PTPRD: variants seen among roughly 807,000 people sequenced by gnomAD.
PTPRD encodes receptor-type tyrosine-protein phosphatase delta.
A neutral mutation model predicts 214.5 loss-of-function variants in PTPRD; 34 were observed. That is an observed-to-expected ratio of 0.16 (90% CI 0.12 to 0.21). The LOEUF (loss-of-function observed/expected upper bound fraction) is 0.21, where lower values mean the gene tolerates loss of function less well. PTPRD is among the 10% of genes least tolerant of loss of function. The probability of loss-of-function intolerance (pLI) is 1.00; values close to 1 mark genes in which losing one functional copy is unlikely to be tolerated. For missense variants in PTPRD, 2,545 were observed against 2,398.7 expected (o/e 1.06, Z -1.27); for synonymous variants, 1,128 against 845.7 (o/e 1.33, Z -5.79).
intron 3 of PTPRD, among the ~76,000 whole-genome samples, chr9:10,164,848 G>A (rs766013812): frequency 6.7e-6 from 1 of 150,350 alleles, no homozygotes; most frequent in African/African-American, 2.4e-5. Context: ...AAAATCTAAT[G>A]AGATATGCTG....
chr9:9,358,860 C>G (rs553219790), intron 9 of PTPRD, among the ~76,000 whole-genome samples: 5 of 151,264 alleles, frequency 3.3e-5, no homozygotes, highest in African/African-American at 1.2e-4. Flanking sequence ...CAAGGCGAGA[C>G]GAACCAACTC....
In PTPRD at chr9:9,766,047, T is replaced by C. The variant is rs564552378; in HGVS notation, c.-326+763A>G. On this transcript the variant is annotated intron_variant, in intron 6 of 45. Coordinates refer to ENST00000381196, the MANE Select transcript of PTPRD (RefSeq NM_002839.4). ...GCCGTGATAATTAATAGCTCCTGTATGTGATATTTATTTTGTCAGTTGTCA... is the reference window on the plus strand; with the variant it reads ...GCCGTGATAATTAATAGCTCCTGTACGTGATATTTATTTTGTCAGTTGTCA... 3.9e-5 allele frequency among the ~76,000 whole-genome samples: 6 copies of C among 152,368 alleles called. No homozygotes were observed. In the South Asian group the frequency reaches 1.2e-3, roughly 32 times the overall value.
At chr9:8,993,340 T>C (rs1001404639) in intron 11 of PTPRD, among the ~76,000 whole-genome samples, 1 of 152,128 alleles carries the variant, frequency 6.6e-6, no homozygotes, top group African/African-American at 2.4e-5. Flanking sequence ...TTTAAAGGAT[T>C]AAAATATGTG....
At chr9:10,319,076 A>T (rs1426876198) in intron 3 of PTPRD, among the ~76,000 whole-genome samples, 1 of 152,060 alleles carries the variant, frequency 6.6e-6, no homozygotes, top group Non-Finnish European at 1.5e-5. Flanking sequence ...ATCATTCATT[A>T]TAGAAAAATA....
At chr9:10,041,177 G>T (rs896521445) in intron 3 of PTPRD, among the ~76,000 whole-genome samples, 3 of 151,960 alleles carry the variant, frequency 2.0e-5, no homozygotes, top group Non-Finnish European at 4.4e-5. Context: ...TATAACTATT[G>T]TAAATGATAT....
rs561025876 is a variant in PTPRD, at chr9:8,353,032, A to C, written c.4662-11054T>G. Reference sequence around the variant, plus strand: ...AGGCTGAGACAGGAGAATCGCTTGAACCCAGAAGGTGGAGGCTGCAGTGAG... The same window carrying C: ...AGGCTGAGACAGGAGAATCGCTTGACCCCAGAAGGTGGAGGCTGCAGTGAG... On this transcript the variant is annotated intron_variant, in intron 39 of 45. Coordinates refer to ENST00000381196, the MANE Select transcript of PTPRD (RefSeq NM_002839.4). Among the ~76,000 whole-genome samples, 8 of 152,164 alleles carry C rather than the reference A, an allele frequency of 5.3e-5. No homozygotes were observed. In the East Asian group the frequency reaches 1.5e-3, roughly 29 times the overall value.
intron 3 of PTPRD, among the ~76,000 whole-genome samples, chr9:10,270,543 T>C (rs2094359419): frequency 6.6e-6 from 1 of 152,142 alleles, no homozygotes; most frequent in Non-Finnish European, 1.5e-5. Context: ...AGATGTTAAA[T>C]GCAGAACTGC....
chr9:9,274,560 C>G (rs1944227955), intron 9 of PTPRD, among the ~76,000 whole-genome samples: 1 of 151,228 alleles, frequency 6.6e-6, no homozygotes, highest in Admixed American at 6.6e-5. Context: ...CCACTACCAA[C>G]TTTTTCTACT....
In PTPRD at chr9:8,865,709, T is replaced by C. The variant is rs552843849; in HGVS notation, c.-103-131763A>G. Among the ~76,000 whole-genome samples, 138 of 152,226 alleles carry C rather than the reference T, an allele frequency of 9.1e-4. No homozygotes were observed. The Middle Eastern group carries it at 0.031, about 34-fold the overall frequency. ...CTCAAAAAAGGTCTGCTGCAAAATATGATAGCATGTGCTTAGATACCACTG... is the reference window on the plus strand; with the variant it reads ...CTCAAAAAAGGTCTGCTGCAAAATACGATAGCATGTGCTTAGATACCACTG... On this transcript the variant is annotated intron_variant, in intron 11 of 45. Transcript: ENST00000381196.
At chr9:8,833,328 A>C (rs2097337309) in intron 11 of PTPRD, among the ~76,000 whole-genome samples, 1 of 152,136 alleles carries the variant, frequency 6.6e-6, no homozygotes, top group South Asian at 2.1e-4. Context: ...GAGCACAGCT[A>C]CTTTTGATAA....
intron 4 of PTPRD, among the ~76,000 whole-genome samples, chr9:10,017,724 T>C (rs1050364711): frequency 6.6e-6 from 1 of 152,150 alleles, no homozygotes; most frequent in Non-Finnish European, 1.5e-5. Context: ...ATTCTGTTCT[T>C]TACTTATTTC....
chr9:10,317,330 A>G (rs754211945), intron 3 of PTPRD, among the ~76,000 whole-genome samples: 27 of 151,928 alleles, frequency 1.8e-4, no homozygotes, highest in Non-Finnish European at 3.2e-4. Flanking sequence ...ATAATGTGAA[A>G]CCATGCAGAT....
chr9:9,874,765 G>A (rs796367180), intron 5 of PTPRD, among the ~76,000 whole-genome samples: 3 of 152,254 alleles, frequency 2.0e-5, no homozygotes, highest in African/African-American at 7.2e-5. Flanking sequence ...TTATTCACAT[G>A]TACTTGTGAA....
At chr9:9,022,597 T>C (rs2099573630) in intron 10 of PTPRD, among the ~76,000 whole-genome samples, 1 of 152,128 alleles carries the variant, frequency 6.6e-6, no homozygotes, top group African/African-American at 2.4e-5. Context: ...TGTAAGTATG[T>C]TCTGTGATGT....
intron 11 of PTPRD, chr9:8,857,708 C>T (rs1300647863): frequency 6.3e-6 from 1 of 158,574 alleles, no homozygotes; most frequent in Non-Finnish European, 1.4e-5. Context: ...CCTCCAGCGC[C>T]TTCGCGCCCC....
chr9:9,822,021 A>G (rs2050920333), intron 5 of PTPRD, among the ~76,000 whole-genome samples: 1 of 151,514 alleles, frequency 6.6e-6, no homozygotes, highest in Admixed American at 6.6e-5. Flanking sequence ...GGTAGTAAAT[A>G]TCACCTTATC....
At chr9:9,091,188 C>T (rs1341263412) in intron 10 of PTPRD, 2 of 1,529,204 alleles carry the variant, frequency 1.3e-6, no homozygotes, top group East Asian at 2.2e-5. Flanking sequence ...ACCGAACACC[C>T]CCACCCCGAT....
intron 11 of PTPRD, among the ~76,000 whole-genome samples, chr9:8,855,600 G>C (rs989853740): frequency 6.6e-6 from 1 of 151,728 alleles, no homozygotes; most frequent in Non-Finnish European, 1.5e-5. Context: ...TATTACTGAG[G>C]GCTATAAGAA....
chr9:10,103,484 G>A (rs986675339), intron 3 of PTPRD, among the ~76,000 whole-genome samples: 1 of 149,454 alleles, frequency 6.7e-6, no homozygotes, highest in Non-Finnish European at 1.5e-5. Flanking sequence ...AGTCACAAAA[G>A]CTCACCCCAA....
Sources: allele counts gnomAD v4.1 joint callset (sites outside exome capture counted in the v4.1 genomes callset), GRCh38; gene constraint gnomAD v4.1.1; transcripts MANE v1.5; gene names NCBI Gene and HGNC (gene_info 2026-07-23, HGNC 2026-07-21).